BRD10: variants seen among roughly 807,000 people sequenced by gnomAD.
The protein encoded by BRD10 is uncharacterized bromodomain-containing protein 10.
At chr9:5,979,094 A>G in the BRD10 span, among the ~76,000 whole-genome samples, 1 of 152,260 alleles carries the variant, frequency 6.6e-6, no homozygotes, top group South Asian at 2.1e-4. Flanking sequence ...ACTTAATTAT[A>G]AAGTCATAGT....
chr9:5,897,132 A>G, the BRD10 span, among the ~76,000 whole-genome samples: 16 of 152,368 alleles, frequency 1.1e-4, no homozygotes, highest in South Asian at 3.3e-3. Flanking sequence ...TGTTTAGCAC[A>G]GCACCTGGCT....
At chr9:5,920,078 G>C in the BRD10 span, 2 of 1,613,948 alleles carry the variant, frequency 1.2e-6, no homozygotes, top group Non-Finnish European at 8.5e-7. Flanking sequence ...TATAGAACTT[G>C]CATTCCCAAA....
At chr9:5,942,222 T>C in the BRD10 span, among the ~76,000 whole-genome samples, 1 of 151,358 alleles carries the variant, frequency 6.6e-6, no homozygotes, top group South Asian at 2.1e-4. Context: ...TATAACAATA[T>C]TGTTATTCAT....
At chr9:5,916,812 T>C in the BRD10 span, among the ~76,000 whole-genome samples, 185 of 152,236 alleles carry the variant, frequency 1.2e-3, 2 homozygotes, top group African/African-American at 4.4e-3. Flanking sequence ...TCAGGTGGCA[T>C]TGTGGTGACG....
the BRD10 span, among the ~76,000 whole-genome samples, chr9:5,930,195 T>C: frequency 1.3e-5 from 2 of 151,552 alleles, no homozygotes; most frequent in Non-Finnish European, 2.9e-5. Flanking sequence ...TAACAAAAGA[T>C]ACATAATTAT....
the BRD10 span, chr9:5,919,993 T>A: frequency 1.2e-5 from 20 of 1,614,018 alleles, no homozygotes; most frequent in African/African-American, 2.1e-4. Context: ...AAGTCAGTGA[T>A]ACTGTTGGTA....
the BRD10 span, among the ~76,000 whole-genome samples, chr9:5,999,247 T>G: frequency 6.6e-6 from 1 of 152,086 alleles, no homozygotes; most frequent in Non-Finnish European, 1.5e-5. Context: ...ACAAAACAAC[T>G]AAGTCTGACA....
chr9:5,986,080 A>G, the BRD10 span, among the ~76,000 whole-genome samples: 2 of 152,116 alleles, frequency 1.3e-5, no homozygotes, highest in African/African-American at 4.8e-5. Context: ...TCACCTAGGT[A>G]TTACGTTCAG....
chr9:5,889,970 A>C, the BRD10 span, among the ~76,000 whole-genome samples: 1 of 152,190 alleles, frequency 6.6e-6, no homozygotes, highest in Non-Finnish European at 1.5e-5. Flanking sequence ...TTAACACCAA[A>C]GGCATCACAG....
At chr9:5,944,638 T>C in the BRD10 span, among the ~76,000 whole-genome samples, 1,600 of 152,150 alleles carry the variant, frequency 0.011, 28 homozygotes, top group African/African-American at 0.037. Flanking sequence ...TCTAAAACTA[T>C]ACCTGATACA....
At chr9:5,968,553 A>G in the BRD10 span, 9 of 1,613,870 alleles carry the variant, frequency 5.6e-6, no homozygotes, top group African/African-American at 5.3e-5. Flanking sequence ...ATTTCAACAG[A>G]GATGTCATGA....
the BRD10 span, among the ~76,000 whole-genome samples, chr9:5,908,062 G>T: frequency 6.6e-6 from 1 of 152,198 alleles, no homozygotes; most frequent in Non-Finnish European, 1.5e-5. Context: ...ACTGACTCTG[G>T]AGCCAAATTA....
the BRD10 span, among the ~76,000 whole-genome samples, chr9:5,936,507 G>C: frequency 1.3e-5 from 2 of 152,262 alleles, no homozygotes; most frequent in Middle Eastern, 3.4e-3. Context: ...TTTTAAAGTA[G>C]TGGAACATCC....
chr9:5,936,377 T>A, the BRD10 span, among the ~76,000 whole-genome samples: 12 of 152,146 alleles, frequency 7.9e-5, no homozygotes, highest in African/African-American at 2.9e-4. Flanking sequence ...ATGAATAATT[T>A]ATCAGTGTTT....
At chr9:5,944,335 T>C in the BRD10 span, among the ~76,000 whole-genome samples, 1 of 151,940 alleles carries the variant, frequency 6.6e-6, no homozygotes. Context: ...AATAAAAATA[T>C]TAGAAAATGA....
chr9:5,917,526 G>C, the BRD10 span, among the ~76,000 whole-genome samples: 1 of 152,172 alleles, frequency 6.6e-6, no homozygotes. Context: ...TAGAATTTTG[G>C]ATTTAGGAGT....
chr9:5,988,676 TCTAA>T, the BRD10 span: 2 of 659,190 alleles, frequency 3.0e-6, no homozygotes, highest in Non-Finnish European at 5.2e-6. Flanking sequence ...TTAGCTTTGT[TCTAA>T]CTTTTTATCC....
chr9:5,879,274 C>T, the BRD10 span, among the ~76,000 whole-genome samples: 1 of 151,898 alleles, frequency 6.6e-6, no homozygotes, highest in Non-Finnish European at 1.5e-5. Flanking sequence ...ACCAGCCTGG[C>T]CAACATGGTG....
At chr9:5,892,386 T>C in the BRD10 span, 1 of 1,219,078 alleles carries the variant, frequency 8.2e-7, no homozygotes. Flanking sequence ...TTGTGGGTCT[T>C]TATGAGATGA....
Sources: allele counts gnomAD v4.1 joint callset (sites outside exome capture counted in the v4.1 genomes callset), GRCh38; gene constraint gnomAD v4.1.1; transcripts MANE v1.5; gene names NCBI Gene and HGNC (gene_info 2026-07-23, HGNC 2026-07-21).